SDK1: variants seen among roughly 807,000 people sequenced by gnomAD.
SDK1 encodes the protein sidekick cell adhesion molecule 1, also known as protein sidekick-1.
A neutral mutation model predicts 245.5 loss-of-function variants in SDK1; 157 were observed. The observed-to-expected ratio is 0.64, with a 90% CI of 0.56 to 0.73. The LOEUF is 0.73. Among genes scored for constraint, SDK1 ranks in the 30% least tolerant of loss-of-function variants. The probability of loss-of-function intolerance (pLI) is 0.00; values close to 1 mark genes in which losing one functional copy is unlikely to be tolerated. For missense variants in SDK1, 3,583 were observed against 3,002.3 expected (o/e 1.19, Z -4.52); for synonymous variants, 1,647 against 1,278.5 (o/e 1.29, Z -6.15).
intron 4 of SDK1, among the ~76,000 whole-genome samples, chr7:3,792,933 C>G (rs1395912738): frequency 6.6e-6 from 1 of 152,172 alleles, no homozygotes; most frequent in Non-Finnish European, 1.5e-5. Context: ...TTCAGTTCTG[C>G]TTTGGAACAA....
At chr7:3,330,963 C>G (rs1780054631) in intron 1 of SDK1, among the ~76,000 whole-genome samples, 1 of 151,684 alleles carries the variant, frequency 6.6e-6, no homozygotes, top group Non-Finnish European at 1.5e-5. Flanking sequence ...AAGACCCTGT[C>G]TCTTAAAAAA....
intron 2 of SDK1, among the ~76,000 whole-genome samples, chr7:3,629,315 A>T (rs1053233084): frequency 6.6e-6 from 1 of 151,744 alleles, no homozygotes; most frequent in Non-Finnish European, 1.5e-5. Context: ...AAAAAAAGAA[A>T]AAAAAGAAAA....
intron 2 of SDK1, among the ~76,000 whole-genome samples, chr7:3,625,603 G>A (rs772862897): frequency 2.6e-5 from 4 of 152,228 alleles, no homozygotes; most frequent in Admixed American, 2.0e-4. Context: ...TGTTTGCAAC[G>A]TCTATGGAGT....
intron 1 of SDK1, among the ~76,000 whole-genome samples, chr7:3,446,294 T>C (rs985389740): frequency 6.6e-6 from 1 of 152,180 alleles, no homozygotes; most frequent in African/African-American, 2.4e-5. Context: ...CTGAAACTCA[T>C]GCAAGTACAT....
chr7:3,982,307 C>G (rs2128137255), intron 13 of SDK1, among the ~76,000 whole-genome samples: 1 of 152,294 alleles, frequency 6.6e-6, no homozygotes, highest in East Asian at 1.9e-4. Flanking sequence ...GACAGTGCAC[C>G]TTGTCATGCT....
chr7:3,593,997 AT>A (rs1583206236), intron 1 of SDK1, among the ~76,000 whole-genome samples: 1 of 152,180 alleles, frequency 6.6e-6, no homozygotes, highest in East Asian at 1.9e-4. Context: ...AAAGTGTGTA[AT>A]TCATGATTTT....
intron 1 of SDK1, among the ~76,000 whole-genome samples, chr7:3,472,365 T>A (rs1781211002): frequency 6.6e-6 from 1 of 151,812 alleles, no homozygotes; most frequent in Non-Finnish European, 1.5e-5. Flanking sequence ...AGTATGCTAT[T>A]AGGTGCTGTG....
intron 10 of SDK1, among the ~76,000 whole-genome samples, chr7:3,967,812 G>A (rs942275427): frequency 6.6e-6 from 1 of 152,224 alleles, no homozygotes; most frequent in African/African-American, 2.4e-5. Context: ...CATGCACGGT[G>A]GCCACCGCTC....
At chr7:3,762,247 A>G (rs1275801145) in intron 4 of SDK1, among the ~76,000 whole-genome samples, 3 of 151,978 alleles carry the variant, frequency 2.0e-5, no homozygotes, top group Non-Finnish European at 4.4e-5. Context: ...TGGGTCTCCT[A>G]TGGGACGTAC....
intron 32 of SDK1, among the ~76,000 whole-genome samples, chr7:4,173,352 C>T (rs1365714955): frequency 1.3e-5 from 2 of 152,288 alleles, no homozygotes; most frequent in Admixed American, 6.5e-5. Context: ...TTGTCTCCTG[C>T]GTGGAAACAT....
intron 28 of SDK1, among the ~76,000 whole-genome samples, chr7:4,134,159 T>A (rs1778887584): frequency 6.6e-6 from 1 of 152,192 alleles, no homozygotes; most frequent in Admixed American, 6.5e-5. Flanking sequence ...GCTTCCTAAG[T>A]CTTCTGCACA....
chr7:3,449,043 A>G (rs542849390), intron 1 of SDK1, among the ~76,000 whole-genome samples: 36 of 152,338 alleles, frequency 2.4e-4, no homozygotes, highest in African/African-American at 7.7e-4. Flanking sequence ...ATAACATGTA[A>G]ACATAGTGAA....
At chr7:3,778,435 C>G (rs1380897258) in intron 4 of SDK1, among the ~76,000 whole-genome samples, 2 of 151,508 alleles carry the variant, frequency 1.3e-5, no homozygotes, top group Non-Finnish European at 2.9e-5. Context: ...TGCACGGTTT[C>G]TTAACTCTCT....
chr7:3,880,379 G>A (rs1484910357), intron 5 of SDK1, among the ~76,000 whole-genome samples: 1 of 152,140 alleles, frequency 6.6e-6, no homozygotes, highest in African/African-American at 2.4e-5. Context: ...ATTAGCGGTT[G>A]GGCAACACAG....
intron 1 of SDK1, among the ~76,000 whole-genome samples, chr7:3,527,599 G>A (rs1783187071): frequency 6.6e-6 from 1 of 152,140 alleles, no homozygotes; most frequent in African/African-American, 2.4e-5. Context: ...GAGGGTGAGT[G>A]GTAGGAGATG....
intron 4 of SDK1, among the ~76,000 whole-genome samples, chr7:3,724,793 A>G (rs1305114088): frequency 6.6e-6 from 1 of 151,884 alleles, no homozygotes; most frequent in African/African-American, 2.4e-5. Context: ...GAGCCCACCT[A>G]CCTCTTACAA....
intron 17 of SDK1, among the ~76,000 whole-genome samples, chr7:4,044,715 G>A (rs922428351): frequency 6.6e-6 from 1 of 152,100 alleles, no homozygotes; most frequent in Non-Finnish European, 1.5e-5. Flanking sequence ...AAAGTGTTGG[G>A]ATTACAGGCA....
intron 1 of SDK1, among the ~76,000 whole-genome samples, chr7:3,520,572 A>G (rs538016521): frequency 9.9e-5 from 15 of 152,200 alleles, no homozygotes; most frequent in Non-Finnish European, 2.2e-4. Flanking sequence ...AGTTGAAGCA[A>G]ATAGTCTTAA....
At chr7:3,884,071 GTTTGTTTT>G (rs1320700720) in intron 5 of SDK1, among the ~76,000 whole-genome samples, 125 of 139,336 alleles carry the variant, frequency 9.0e-4, no homozygotes, top group Non-Finnish European at 1.3e-3. Context: ...TTTTTTGTTT[GTTTGTTTT>G]TTTGTTTTTT....
Sources: gnomAD v4.1 joint callset for allele counts (sites outside exome capture counted in the v4.1 genomes callset) on GRCh38, gnomAD v4.1.1 for gene constraint, MANE v1.5 for transcripts, NCBI Gene and HGNC (gene_info 2026-07-23, HGNC 2026-07-21) for gene names.